The following AFF3 variants were observed in gnomAD, a reference collection of about 807,000 sequenced individuals.
The protein encoded by AFF3 is AF4/FMR2 family member 3.
A neutral mutation model predicts 129.7 loss-of-function variants in AFF3; 32 were observed. The ratio of observed to expected loss-of-function variants is 0.25; its 90% CI spans 0.19 to 0.33. The LOEUF is 0.33. AFF3 is among the 10% of genes least tolerant of loss of function. AFF3 has a pLI of 1.00. For missense variants in AFF3, 1,373 were observed against 1,592.0 expected (o/e 0.86, Z 2.34); for synonymous variants, 644 against 635.4 (o/e 1.01, Z -0.20).
At chr2:99,928,043 A>G (rs565844206) in intron 7 of AFF3, among the ~76,000 whole-genome samples, 152 of 152,282 alleles carry the variant, frequency 1.0e-3, no homozygotes, top group African/African-American at 1.6e-3. Context: ...TGCCATCCAC[A>G]TAAGATGTGA....
At chr2:99,592,434 C>T (rs558798894) in intron 15 of AFF3, among the ~76,000 whole-genome samples, 1 of 152,314 alleles carries the variant, frequency 6.6e-6, no homozygotes, top group Admixed American at 6.5e-5. Context: ...CCTGCCACAA[C>T]CTTGAACTTC....
intron 10 of AFF3, among the ~76,000 whole-genome samples, chr2:99,738,312 T>G (rs1043443437): frequency 6.6e-6 from 1 of 152,096 alleles, no homozygotes; most frequent in Non-Finnish European, 1.5e-5. Flanking sequence ...TCCATCTGTG[T>G]TTTGCTTTAT....
At chr2:100,013,394 T>C (rs1682719957) in intron 4 of AFF3, among the ~76,000 whole-genome samples, 1 of 152,184 alleles carries the variant, frequency 6.6e-6, no homozygotes, top group African/African-American at 2.4e-5. Context: ...CAATGCCCCT[T>C]GGAGAAAGAC....
intron 14 of AFF3, among the ~76,000 whole-genome samples, chr2:99,595,343 G>T (rs1418282792): frequency 3.3e-5 from 5 of 152,206 alleles, no homozygotes; most frequent in African/African-American, 1.2e-4. Flanking sequence ...AATGGGGAAA[G>T]TATTTTGGCT....
chr2:100,104,789 CGCT>C, intron 3 of AFF3: 1 of 843,776 alleles, frequency 1.2e-6, no homozygotes, highest in Non-Finnish European at 1.4e-6. Context: ...CGGCCCGGCC[CGCT>C]GCTGCAGCCG....
At chr2:99,962,489 C>A (rs1473763038) in intron 7 of AFF3, among the ~76,000 whole-genome samples, 1 of 151,700 alleles carries the variant, frequency 6.6e-6, no homozygotes, top group Admixed American at 6.6e-5. Flanking sequence ...AAGCTGTCAT[C>A]AAAAAAATAC....
intron 10 of AFF3, among the ~76,000 whole-genome samples, chr2:99,741,766 A>G (rs1452760685): frequency 2.0e-5 from 3 of 152,212 alleles, no homozygotes; most frequent in South Asian, 2.1e-4. Flanking sequence ...CGCCAAGTCA[A>G]TCCTAAGCCA....
chr2:100,127,880 AC>A (rs1247466769), intron 2 of AFF3, among the ~76,000 whole-genome samples: 2 of 152,228 alleles, frequency 1.3e-5, no homozygotes, highest in African/African-American at 4.8e-5. Context: ...GCATTCCCAG[AC>A]ATTTAAGGCA....
intron 2 of AFF3, among the ~76,000 whole-genome samples, chr2:100,113,496 C>T (rs773972151): frequency 2.4e-4 from 37 of 152,162 alleles, no homozygotes; most frequent in Non-Finnish European, 4.1e-4. Flanking sequence ...AGTGCAGGTA[C>T]TCAGGGAGAT....
At chr2:99,918,039 AACCTT>A (rs2106232621) in intron 7 of AFF3, among the ~76,000 whole-genome samples, 1 of 152,048 alleles carries the variant, frequency 6.6e-6, no homozygotes, top group East Asian at 1.9e-4. Flanking sequence ...TAAAAGAAAA[AACCTT>A]GCTTTTTTCT....
intron 8 of AFF3, among the ~76,000 whole-genome samples, chr2:99,762,903 TCATTC>T (rs1682731077): frequency 6.6e-6 from 1 of 152,252 alleles, no homozygotes; most frequent in Non-Finnish European, 1.5e-5. Flanking sequence ...ATCAGAATAA[TCATTC>T]AGCTTTTCAG....
intron 22 of AFF3, 100 bp downstream of exon 22, chr2:99,558,775 G>T: frequency 8.5e-7 from 1 of 1,179,134 alleles, no homozygotes; most frequent in Non-Finnish European, 1.2e-6. Context: ...GAGGTGACCT[G>T]CATTAACCCC....
chr2:100,139,038 C>T (rs1223889992), intron 1 of AFF3, among the ~76,000 whole-genome samples: 1 of 151,488 alleles, frequency 6.6e-6, no homozygotes, highest in African/African-American at 2.4e-5. Context: ...GGGTAGAATG[C>T]CTTTCTGTTT....
intron 7 of AFF3, among the ~76,000 whole-genome samples, chr2:99,918,266 C>T (rs1475666317): frequency 6.6e-6 from 1 of 152,124 alleles, no homozygotes; most frequent in Non-Finnish European, 1.5e-5. Context: ...CACCATCTTG[C>T]TTTAGAGACA....
At chr2:99,760,287 T>C (rs1682468212) in intron 8 of AFF3, among the ~76,000 whole-genome samples, 3 of 152,230 alleles carry the variant, frequency 2.0e-5, no homozygotes, top group South Asian at 2.1e-4. Flanking sequence ...GCAAACTATG[T>C]ATTACTAAAA....
chr2:99,630,342 C>G (rs1683011460), intron 13 of AFF3, among the ~76,000 whole-genome samples: 2 of 152,184 alleles, frequency 1.3e-5, no homozygotes, highest in South Asian at 4.2e-4. Flanking sequence ...CTACTGAACA[C>G]CTGTCTCAGA....
chr2:99,755,373 T>A (rs1682009292), intron 8 of AFF3, among the ~76,000 whole-genome samples: 1 of 151,856 alleles, frequency 6.6e-6, no homozygotes, highest in Non-Finnish European at 1.5e-5. Context: ...GTTCAAGCAA[T>A]TCTCCTGCCT....
chr2:99,553,917 CCAA>C (rs1488067821), intron 24 of AFF3, among the ~76,000 whole-genome samples: 228 of 72,406 alleles, frequency 3.1e-3, no homozygotes, highest in South Asian at 0.023. Flanking sequence ...CTGTCTCAAA[CCAA>C]AAAAAAAAAA....
chr2:99,697,455 G>GA (rs1019241158), intron 11 of AFF3, among the ~76,000 whole-genome samples: 23 of 152,236 alleles, frequency 1.5e-4, no homozygotes, highest in Admixed American at 1.4e-3. Context: ...TTTTTACAGA[G>GA]AAAAAAATGC....
Sources: allele counts gnomAD v4.1 joint callset (sites outside exome capture counted in the v4.1 genomes callset), GRCh38; gene constraint gnomAD v4.1.1; transcripts MANE v1.5; gene names NCBI Gene and HGNC (gene_info 2026-07-23, HGNC 2026-07-21).